DGKB: variants seen among roughly 807,000 people sequenced by gnomAD.
The protein encoded by DGKB is 90 kDa diacylglycerol kinase.
In DGKB, 67 loss-of-function variants were observed where a neutral mutation model predicts 114.3. The ratio of observed to expected loss-of-function variants is 0.59; its 90% CI spans 0.48 to 0.72. The LOEUF is 0.72. DGKB is among the 30% of genes least tolerant of loss of function. The pLI, the probability that DGKB is intolerant of heterozygous loss-of-function variation, is 0.00. For synonymous variants in DGKB, 398 were observed against 323.1 expected (o/e 1.23, Z -2.49); for missense variants, 907 against 975.2 (o/e 0.93, Z 0.93).
chr7:14,293,308 C>T (rs984738137), intron 23 of DGKB, among the ~76,000 whole-genome samples: 1 of 151,944 alleles, frequency 6.6e-6, no homozygotes, highest in Non-Finnish European at 1.5e-5. Context: ...TAAAAATATC[C>T]CAGTGCCCAG....
chr7:14,603,378 T>C (rs989499791), intron 17 of DGKB, among the ~76,000 whole-genome samples: 1 of 152,146 alleles, frequency 6.6e-6, no homozygotes, highest in Non-Finnish European at 1.5e-5. Flanking sequence ...AACATTTCCT[T>C]AGCCTTTTGA....
At chr7:14,957,240 T>G (rs938239524) in intron 1 of DGKB, among the ~76,000 whole-genome samples, 4 of 151,936 alleles carry the variant, frequency 2.6e-5, no homozygotes, top group African/African-American at 9.7e-5. Flanking sequence ...TAACAATCAT[T>G]TGTTTAAAAA....
chr7:14,270,924 A>G (rs964546981), intron 23 of DGKB, among the ~76,000 whole-genome samples: 1 of 152,208 alleles, frequency 6.6e-6, no homozygotes, highest in African/African-American at 2.4e-5. Context: ...ACTTAAACAT[A>G]TGGTTACTGG....
chr7:14,335,567 T>G (rs1583260225), intron 23 of DGKB, among the ~76,000 whole-genome samples: 1 of 152,232 alleles, frequency 6.6e-6, no homozygotes, highest in South Asian at 2.1e-4. Context: ...TTTCATTTCA[T>G]GTATTTTCTA....
intron 20 of DGKB, among the ~76,000 whole-genome samples, chr7:14,479,822 A>T (rs758852905): frequency 7.9e-5 from 12 of 152,066 alleles, no homozygotes; most frequent in Non-Finnish European, 1.6e-4. Context: ...ACTTACTTTT[A>T]CTTTATCCCT....
chr7:14,780,241 A>T (rs1441173710), intron 2 of DGKB, among the ~76,000 whole-genome samples: 1 of 152,172 alleles, frequency 6.6e-6, no homozygotes, highest in African/African-American at 2.4e-5. Context: ...CCACCCACAG[A>T]TCTGGAAAAT....
chr7:14,558,931 T>C (rs991467518), intron 20 of DGKB, among the ~76,000 whole-genome samples: 1 of 152,226 alleles, frequency 6.6e-6, no homozygotes, highest in African/African-American at 2.4e-5. Context: ...AGCTCCCAGC[T>C]GCCCCTGGTC....
At chr7:14,160,840 G>A (rs951868576) in intron 25 of DGKB, among the ~76,000 whole-genome samples, 2 of 152,118 alleles carry the variant, frequency 1.3e-5, no homozygotes, top group Non-Finnish European at 2.9e-5. Flanking sequence ...AACAAAGCTG[G>A]AGGCATCACG....
At chr7:14,737,283 ATTTTTTTTTTTTTTTTTT>A (rs11348925) in intron 4 of DGKB, among the ~76,000 whole-genome samples, 1 of 82,504 alleles carries the variant, frequency 1.2e-5, no homozygotes, top group African/African-American at 4.3e-5. Context: ...TTGAAGGCCA[ATTTTTTTTTTTTTTTTTT>A]TTTTTTTTTT....
At chr7:14,300,140 C>G (rs1457323083) in intron 23 of DGKB, among the ~76,000 whole-genome samples, 1 of 152,030 alleles carries the variant, frequency 6.6e-6, no homozygotes, top group East Asian at 1.9e-4. Flanking sequence ...TTTCCAAAGT[C>G]CACCAATATT....
chr7:14,486,319 G>A (rs1783798336), intron 20 of DGKB, among the ~76,000 whole-genome samples: 1 of 152,294 alleles, frequency 6.6e-6, no homozygotes, highest in African/African-American at 2.4e-5. Flanking sequence ...TGTAATTGGA[G>A]GAAAGTTTAC....
At chr7:14,248,243 C>T (rs1212038785) in intron 23 of DGKB, among the ~76,000 whole-genome samples, 1 of 152,076 alleles carries the variant, frequency 6.6e-6, no homozygotes. Context: ...GTTTTGATTA[C>T]TATACCTTTG....
At chr7:14,379,427 T>C (rs575008915) in intron 21 of DGKB, among the ~76,000 whole-genome samples, 29 of 151,850 alleles carry the variant, frequency 1.9e-4, no homozygotes, top group South Asian at 1.0e-3. Flanking sequence ...TTCCACTTTC[T>C]GTTTCTTGCT....
chr7:14,858,226 C>T (rs888908523), intron 1 of DGKB, among the ~76,000 whole-genome samples: 1 of 152,158 alleles, frequency 6.6e-6, no homozygotes, highest in Non-Finnish European at 1.5e-5. Context: ...AATGCTGCTT[C>T]GCTGGAAACA....
At chr7:14,360,391 A>C (rs993475912) in intron 21 of DGKB, among the ~76,000 whole-genome samples, 3 of 152,052 alleles carry the variant, frequency 2.0e-5, no homozygotes, top group Non-Finnish European at 4.4e-5. Context: ...GCAGCAAGCT[A>C]ACATGGCACA....
At chr7:14,337,303 C>T (rs1583270841) in intron 23 of DGKB, among the ~76,000 whole-genome samples, 2 of 152,006 alleles carry the variant, frequency 1.3e-5, no homozygotes, top group African/African-American at 4.8e-5. Context: ...ATATTATTTT[C>T]CTCCATATTT....
chr7:14,573,467 C>CTGTGTG (rs4027158), intron 20 of DGKB, among the ~76,000 whole-genome samples: 87 of 145,594 alleles, frequency 6.0e-4, no homozygotes, highest in East Asian at 3.0e-3. Context: ...TAATCTATCT[C>CTGTGTG]TGTGTGTGTG....
intron 1 of DGKB, among the ~76,000 whole-genome samples, chr7:14,934,173 A>T (rs1445858617): frequency 6.6e-6 from 1 of 152,136 alleles, no homozygotes; most frequent in African/African-American, 2.4e-5. Context: ...CTCGTGAATA[A>T]TTTCACCTTC....
intron 21 of DGKB, among the ~76,000 whole-genome samples, chr7:14,356,425 G>A (rs763382883): frequency 8.1e-5 from 11 of 135,156 alleles, no homozygotes; most frequent in South Asian, 7.3e-4. Flanking sequence ...GCAGTGGCAC[G>A]ATCTCGGCTC....
Sources: gnomAD v4.1 joint callset for allele counts (sites outside exome capture counted in the v4.1 genomes callset) on GRCh38, gnomAD v4.1.1 for gene constraint, MANE v1.5 for transcripts, NCBI Gene and HGNC (gene_info 2026-07-23, HGNC 2026-07-21) for gene names.